The following CIT variants were observed in gnomAD, a reference collection of about 807,000 sequenced individuals.
The protein encoded by CIT is citron Rho-interacting kinase.
CIT carries 79 observed loss-of-function variants against 272.7 expected under a neutral mutation model. The observed-to-expected ratio is 0.29, with a 90% CI of 0.24 to 0.35. The LOEUF (loss-of-function observed/expected upper bound fraction) is 0.35. Ranked by LOEUF, CIT falls within the 10% of genes least tolerant of loss-of-function variation. CIT has a pLI of 1.00. For synonymous variants in CIT, 948 were observed against 995.6 expected (o/e 0.95, Z 0.90); for missense variants, 1,909 against 2,618.3 (o/e 0.73, Z 5.91).
intron 9 of CIT, among the ~76,000 whole-genome samples, chr12:119,805,883 C>A (rs1048028948): frequency 6.6e-6 from 1 of 152,048 alleles, no homozygotes; most frequent in Non-Finnish European, 1.5e-5. Flanking sequence ...GCCTGTAATC[C>A]CAGCACCTTG....
At position 119,690,228 on chromosome 12, in the gene CIT, CG is replaced by C; in HGVS notation, c.6108del (p.Arg2038GlyfsTer16). 2.0e-6 allele frequency: 3 copies of C among 1,535,958 alleles called. No homozygotes were observed. Among genetic ancestry groups the C allele is most frequent in the Admixed American group, 2.2e-5 (1 of 45,838 alleles). On this transcript the variant is annotated frameshift_variant, in exon 47 of 48. Coordinates refer to ENST00000392521, the MANE Select transcript of CIT (RefSeq NM_001206999.2). LOFTEE classifies it high-confidence loss of function. The surrounding 1 kb of genome is among the most constrained non-coding windows in gnomAD (Gnocchi z 6.0). ...RMLSTRRERS[P>X]GRLFEDSSRG... ...CTGCTGCTGTCTTCAAACAGCCTCC[CG>C]GGGGACCGCTCTCTCCGCGTGCTGA...
chr12:119,738,061 T>C (rs1389245390), intron 24 of CIT, among the ~76,000 whole-genome samples: 2 of 152,224 alleles, frequency 1.3e-5, no homozygotes, highest in African/African-American at 4.8e-5. Context: ...ATTTTATTTC[T>C]ATTTTATAGA....
chr12:119,852,452 G>A (rs570162616), intron 4 of CIT, among the ~76,000 whole-genome samples: 4 of 152,230 alleles, frequency 2.6e-5, no homozygotes, highest in South Asian at 2.1e-4. Context: ...GGTGGCTCAC[G>A]CCTGAAATCC....
At position 119,734,292 on chromosome 12, in the gene CIT, T is replaced by G; in HGVS notation, c.3222A>C (p.Leu1074=). 1 of 1,613,974 alleles carries G rather than the reference T, an allele frequency of 6.2e-7. No homozygotes were observed. Among genetic ancestry groups the G allele is most frequent in the Non-Finnish European group, 8.5e-7 (1 of 1,179,992 alleles). ...LEEQVMDLEA[L]NDELLEKERQ... Reference sequence around the variant, plus strand: ...GCTCTTTTTCTAGCAGCTCATCGTTTAGGGCCTCCAAATCCATGACCTGTT... The same window carrying G: ...GCTCTTTTTCTAGCAGCTCATCGTTGAGGGCCTCCAAATCCATGACCTGTT... Residue 1074 remains leucine (L), a synonymous_variant, in exon 26 of 48, where the codon CTA becomes CTC. Coordinates refer to ENST00000392521, the MANE Select transcript of CIT (RefSeq NM_001206999.2).
Position 119,697,845 on chromosome 12 carries a change from A to C in CIT, c.5703-7T>G, listed in dbSNP as rs768454478. The C allele has an allele frequency of 1.2e-6, 2 of 1,613,856 alleles. No homozygotes were observed. Among genetic ancestry groups the C allele is most frequent in the Non-Finnish European group, 1.7e-6 (2 of 1,179,800 alleles). On this transcript the variant is annotated splice_polypyrimidine_tract_variant and splice_region_variant and intron_variant, in intron 45 of 47. Transcript: ENST00000392521. The surrounding 1 kb of genome is among the most constrained non-coding windows in gnomAD (Gnocchi z 4.9). ...GTACGCTCGGGCAGGGGTCCTGCAG[A>C]GTCCCAGAGTTCCAGTTACCTTCAT...
chr12:119,713,410 AG>A lies in CIT; in HGVS notation c.4487+57del. On this transcript the variant is annotated intron_variant, in intron 34 of 47. Transcript: ENST00000392521. This position sits in a 1 kb window ranked among gnomAD's most constrained non-coding sequence, Gnocchi z 5.2. ...AAAAGACACTTCCCTAGAAAACATC[AG>A]GGACAGAGTGGCTTGTGCCAGCACC... 5 of 1,599,518 alleles carry A rather than the reference AG, an allele frequency of 3.1e-6. No individual in the cohort carries two copies. The highest frequency in any genetic ancestry group is 4.3e-6 in the Non-Finnish European group (5 of 1,169,766).
Position 119,825,270 on chromosome 12 carries a change from A to C in CIT, c.852T>G (p.Cys284Trp). The change falls in exon 8 of 48, where the codon TGT becomes TGG. Residue 284 changes from cysteine (C) to tryptophan (W), a missense_variant. Transcript: ENST00000392521. ...CAATCACGCCCACTGACCACCAGTCACAGTCCAGGCCGTAGGTGCCTTTTC... is the reference window on the plus strand; with the variant it reads ...CAATCACGCCCACTGACCACCAGTCCCAGTCCAGGCCGTAGGTGCCTTTTC... ...GDGKGTYGLDCDWWSVGVIAY... is the reference protein window; with the variant it reads ...GDGKGTYGLDWDWWSVGVIAY... 1 of 1,614,208 alleles carries C rather than the reference A, an allele frequency of 6.2e-7. No individual in the cohort carries two copies. Among genetic ancestry groups the C allele is most frequent in the Non-Finnish European group, 8.5e-7 (1 of 1,180,036 alleles).
chr12:119,858,003 G>A (rs1950221598), intron 3 of CIT, among the ~76,000 whole-genome samples: 1 of 152,200 alleles, frequency 6.6e-6, no homozygotes, highest in South Asian at 2.1e-4. Context: ...CTCTCTGAAG[G>A]CTGCAGGGCA....
intron 9 of CIT, among the ~76,000 whole-genome samples, chr12:119,807,599 A>C (rs907997007): frequency 6.6e-6 from 1 of 152,162 alleles, no homozygotes; most frequent in Admixed American, 6.5e-5. Flanking sequence ...TGCAGAGTAA[A>C]TATTTGCTAA....
chr12:119,823,288 C>G (rs1178846242), intron 8 of CIT, among the ~76,000 whole-genome samples: 1 of 152,128 alleles, frequency 6.6e-6, no homozygotes, highest in East Asian at 1.9e-4. Context: ...TTTAAAGATC[C>G]CTGAACAAAT....
intron 32 of CIT, among the ~76,000 whole-genome samples, chr12:119,714,911 A>G (rs1002856443): frequency 2.0e-5 from 3 of 152,264 alleles, no homozygotes; most frequent in Non-Finnish European, 2.9e-5. Flanking sequence ...TATGACAACT[A>G]CAAAGTGAAA....
chr12:119,858,517 CAA>C (rs796452295), intron 3 of CIT, among the ~76,000 whole-genome samples: 10 of 122,344 alleles, frequency 8.2e-5, no homozygotes, highest in Admixed American at 8.5e-5. Flanking sequence ...ACTCTGTCTC[CAA>C]AAAAAAAAAA....
At chr12:119,776,488 G>T (rs889129906) in intron 14 of CIT, 80 bp from the exon 15 acceptor site, 1 of 1,272,592 alleles carries the variant, frequency 7.9e-7, no homozygotes, top group South Asian at 1.3e-5. Context: ...TGGTCTCTGT[G>T]ACCAAGATAA....
intron 9 of CIT, among the ~76,000 whole-genome samples, chr12:119,818,732 G>A (rs1052198815): frequency 6.6e-6 from 1 of 152,144 alleles, no homozygotes; most frequent in Non-Finnish European, 1.5e-5. Flanking sequence ...CAGACCATCC[G>A]AGTTCTCTAG....
intron 30 of CIT, among the ~76,000 whole-genome samples, chr12:119,719,270 G>A (rs1957709736): frequency 6.6e-6 from 1 of 151,944 alleles, no homozygotes; most frequent in Non-Finnish European, 1.5e-5. Context: ...AAGACACAGA[G>A]ATGAGTGTTT....
intron 5 of CIT, among the ~76,000 whole-genome samples, chr12:119,839,984 C>T (rs1427903064): frequency 6.6e-6 from 1 of 152,230 alleles, no homozygotes; most frequent in Admixed American, 6.5e-5. Flanking sequence ...AAATGAGGTC[C>T]CTACACCAGC....
At chr12:119,788,139 C>A (rs2137745984) in intron 10 of CIT, among the ~76,000 whole-genome samples, 1 of 152,306 alleles carries the variant, frequency 6.6e-6, no homozygotes, top group African/African-American at 2.4e-5. Context: ...GGATTGGATC[C>A]AGAAATAAAT....
chr12:119,865,996 C>T (rs115787469), intron 3 of CIT, among the ~76,000 whole-genome samples: 221 of 152,132 alleles, frequency 1.5e-3, no homozygotes, highest in African/African-American at 4.8e-3. Context: ...CCAGCATCCC[C>T]GGCTCCTTTG....
chr12:119,711,467 G>C (rs77411677), intron 37 of CIT, among the ~76,000 whole-genome samples: 1 of 152,162 alleles, frequency 6.6e-6, no homozygotes, highest in African/African-American at 2.4e-5. Flanking sequence ...TCCTGGAGGG[G>C]ACACAGCTGC....
Sources: gnomAD v4.1 joint callset for allele counts (sites outside exome capture counted in the v4.1 genomes callset) on GRCh38, gnomAD v4.1.1 for gene constraint, Gnocchi (gnomAD v3.1) non-coding constraint, MANE v1.5 for transcripts, NCBI Gene and HGNC (gene_info 2026-07-23, HGNC 2026-07-21) for gene names.